Variants in TMEM164 observed in about 807,000 individuals in gnomAD.
TMEM164 encodes transmembrane protein 164, also known as RP13-360B22.2.
In TMEM164, 4 loss-of-function variants were observed where a neutral mutation model predicts 18.8. The ratio of observed to expected loss-of-function variants is 0.21; its 90% CI spans 0.10 to 0.49. The LOEUF (loss-of-function observed/expected upper bound fraction) is 0.49. TMEM164 is among the 20% of genes least tolerant of loss of function. The pLI, the probability that TMEM164 is intolerant of heterozygous loss-of-function variation, is 0.98. For synonymous variants in TMEM164, 86 were observed against 101.7 expected, an observed-to-expected ratio of 0.85 and a Z score of 0.93; for missense variants, 108 against 239.9, an observed-to-expected ratio of 0.45 and a Z score of 3.63.
At position 110,174,293 on chromosome X, in the gene TMEM164, T is replaced by C. The variant is rs1004888249; in HGVS notation, c.*842T>C. The C allele has an allele frequency of 2.1e-4, 23 of 110,800 alleles. No individual in the cohort carries two copies. Among genetic ancestry groups the C allele is most frequent in the African/African-American group, 6.9e-4 (21 of 30,356 alleles). 9.1% of individuals were successfully genotyped at this position (110,800 alleles called of 1,213,427 possible). On this transcript the variant is annotated 3_prime_UTR_variant, in exon 7 of 7. Transcript: ENST00000372068. ...AATCATACACTCTGTTTTAGGAAAA[T>C]GTTGATAATAGATACCATTTTAATC...
rs1463635725 is a variant in TMEM164, at chrX:110,125,479, AGG to A, written c.507+16334_507+16335del. Among the ~76,000 whole-genome samples, 7 of 111,602 alleles carry A rather than the reference AGG, an allele frequency of 6.3e-5. No individual in the cohort carries two copies. In the Admixed American group the frequency reaches 6.6e-4, roughly 11 times the overall value. On this transcript the variant is annotated intron_variant, in intron 4 of 6. Transcript: ENST00000372068. ...TTTTTTCCCCCTGCAGTTCCCCTGG[AGG>A]AGAGAGGAGAACTGGCTCGGGTGGG...
intron 5 of TMEM164, among the ~76,000 whole-genome samples, chrX:110,156,943 G>A (rs922356145): frequency 1.8e-5 from 2 of 111,837 alleles, no homozygotes; most frequent in Non-Finnish European, 1.9e-5. Context: ...CCATAGCAGC[G>A]AGGAAGATGA....
chrX:110,111,552 C>T (rs952636457), intron 4 of TMEM164, among the ~76,000 whole-genome samples: 1 of 112,027 alleles, frequency 8.9e-6, no homozygotes, highest in African/African-American at 3.2e-5. Context: ...GAAAATCTCC[C>T]CCTAGGCTAA....
At chrX:110,141,046 C>T (rs972221059) in intron 4 of TMEM164, among the ~76,000 whole-genome samples, 1 of 111,874 alleles carries the variant, frequency 8.9e-6, no homozygotes, top group East Asian at 2.8e-4. Context: ...GAGGTTAAGG[C>T]AGGAGGATTG....
At chrX:110,141,761 G>C (rs961245214) in intron 4 of TMEM164, among the ~76,000 whole-genome samples, 2 of 112,268 alleles carry the variant, frequency 1.8e-5, no homozygotes, top group African/African-American at 6.5e-5. Flanking sequence ...AATATGATTT[G>C]CTATTAAATG....
intron 4 of TMEM164, among the ~76,000 whole-genome samples, chrX:110,127,967 C>T (rs2066558962): frequency 8.9e-6 from 1 of 112,428 alleles, no homozygotes; most frequent in African/African-American, 3.2e-5. Context: ...CCCATTGGTC[C>T]ACTAAACGTA....
At chrX:110,060,477 A>G (rs1278693960) in intron 2 of TMEM164, among the ~76,000 whole-genome samples, 3 of 111,459 alleles carry the variant, frequency 2.7e-5, no homozygotes, top group African/African-American at 9.8e-5. Flanking sequence ...TAAAGATATT[A>G]CAGAGAATTC....
chrX:110,092,965 A>G (rs1379215451), intron 3 of TMEM164, among the ~76,000 whole-genome samples: 1 of 112,044 alleles, frequency 8.9e-6, no homozygotes, highest in Non-Finnish European at 1.9e-5. Flanking sequence ...CTATTGAGAT[A>G]ATCGTGTGGT....
At chrX:110,148,656 A>G (rs2066893500) in intron 5 of TMEM164, among the ~76,000 whole-genome samples, 1 of 104,436 alleles carries the variant, frequency 9.6e-6, no homozygotes, top group Non-Finnish European at 1.9e-5. Context: ...CTACAGGCAC[A>G]TACTACCACA....
At chrX:110,022,309 C>T (rs933758716) in intron 2 of TMEM164, among the ~76,000 whole-genome samples, 1 of 110,887 alleles carries the variant, frequency 9.0e-6, no homozygotes, top group African/African-American at 3.3e-5. Context: ...GTCCCATAGC[C>T]TGCTAGTTAG....
chrX:110,147,586 C>CT (rs1211419524), intron 5 of TMEM164, among the ~76,000 whole-genome samples: 1 of 110,779 alleles, frequency 9.0e-6, no homozygotes, highest in Non-Finnish European at 1.9e-5. Context: ...GGGAAAAAGG[C>CT]TTTCTCTTTT....
At chrX:110,011,353 G>T (rs1485421387) in intron 2 of TMEM164, among the ~76,000 whole-genome samples, 1 of 111,568 alleles carries the variant, frequency 9.0e-6, no homozygotes, top group Non-Finnish European at 1.9e-5. Context: ...ATTAAGGAAA[G>T]CTTCCTAGAA....
downstream of TMEM164, among the ~76,000 whole-genome samples, chrX:110,180,801 C>T (rs6642423): frequency 0.25 from 27,791 of 110,613 alleles, 3,668 homozygotes; most frequent in East Asian, 0.92. Flanking sequence ...ACAACCTATT[C>T]TCAGCCCCAT....
rs997804957 is a variant in TMEM164, at chrX:110,174,884, A to C, written c.*1433A>C. The C allele has an allele frequency of 5.3e-5, 6 of 112,247 alleles. No homozygotes were observed. Among genetic ancestry groups the C allele is most frequent in the Non-Finnish European group, 1.1e-4 (6 of 53,167 alleles). The allele number at this position is 112,247 out of a possible 1,213,427, so 9.3% of individuals were successfully genotyped here. On this transcript the variant is annotated 3_prime_UTR_variant, in exon 7 of 7. Transcript: ENST00000372068. ...TCCCTTCCCCTGTCCCACTCTAGGC[A>C]ACACAGTTGACCTAGACCAGTTCCA...
chrX:110,077,683 A>G (rs771183984), intron 3 of TMEM164, among the ~76,000 whole-genome samples: 13 of 111,813 alleles, frequency 1.2e-4, no homozygotes, highest in Admixed American at 1.1e-3. Flanking sequence ...TTGCTTGTCT[A>G]GAAAAGATTT....
chrX:110,079,965 A>G (rs2065728832), intron 3 of TMEM164, among the ~76,000 whole-genome samples: 1 of 110,845 alleles, frequency 9.0e-6, no homozygotes, highest in Admixed American at 9.7e-5. Flanking sequence ...ATGTACCCTA[A>G]AACTTAAAGT....
At chrX:110,052,195 T>C (rs768552690) in intron 2 of TMEM164, among the ~76,000 whole-genome samples, 1 of 111,567 alleles carries the variant, frequency 9.0e-6, no homozygotes, top group Non-Finnish European at 1.9e-5. Context: ...CACAATCTCC[T>C]TCCGCTTCCC....
At chrX:110,076,505 T>A (rs1460161913) in intron 3 of TMEM164, among the ~76,000 whole-genome samples, 2 of 111,345 alleles carry the variant, frequency 1.8e-5, no homozygotes, top group African/African-American at 6.5e-5. Context: ...GTTATATCTT[T>A]TCTTCTTGCT....
chrX:110,043,138 T>C (rs1363670399), intron 2 of TMEM164, among the ~76,000 whole-genome samples: 2 of 112,700 alleles, frequency 1.8e-5, no homozygotes, highest in African/African-American at 6.4e-5. Context: ...GCCAGTGCTA[T>C]TGGGCTTCCA....
Sources: gnomAD v4.1 joint callset for allele counts (sites outside exome capture counted in the v4.1 genomes callset) on GRCh38, gnomAD v4.1.1 for gene constraint, MANE v1.5 for transcripts, NCBI Gene and HGNC (gene_info 2026-07-23, HGNC 2026-07-21) for gene names.